Variants in STAG1 observed in about 807,000 individuals in gnomAD.
The protein encoded by STAG1 is STAG1 cohesin complex component.
In STAG1, 26 loss-of-function variants were observed where a neutral mutation model predicts 170.9. The ratio of observed to expected loss-of-function variants is 0.15; its 90% CI spans 0.11 to 0.21. The LOEUF (loss-of-function observed/expected upper bound fraction) is 0.21, where lower values mean the gene tolerates loss of function less well. Ranked by LOEUF, STAG1 falls within the 10% of genes least tolerant of loss-of-function variation. STAG1 has a pLI of 1.00. For synonymous variants in STAG1, 514 were observed against 497.7 expected, an observed-to-expected ratio of 1.03 and a Z score of -0.44; for missense variants, 964 against 1,509.5, an observed-to-expected ratio of 0.64 and a Z score of 5.99.
At chr3:136,741,440 C>G (rs1934666240) in intron 1 of STAG1, among the ~76,000 whole-genome samples, 1 of 152,186 alleles carries the variant, frequency 6.6e-6, no homozygotes, top group African/African-American at 2.4e-5. Flanking sequence ...ATTATTATAA[C>G]TGAAAGATTC....
At chr3:136,486,567 T>C (rs1049380526) in intron 9 of STAG1, among the ~76,000 whole-genome samples, 3 of 152,222 alleles carry the variant, frequency 2.0e-5, no homozygotes, top group Non-Finnish European at 4.4e-5. Flanking sequence ...ATACTACCCT[T>C]GTAAAAGTCA....
intron 5 of STAG1, among the ~76,000 whole-genome samples, chr3:136,554,131 C>T (rs771518623): frequency 7.3e-5 from 11 of 151,470 alleles, no homozygotes; most frequent in Non-Finnish European, 1.2e-4. Flanking sequence ...AAAGTATTGC[C>T]GGAGATAAAG....
At chr3:136,479,503 G>A (rs1408069905) in intron 9 of STAG1, among the ~76,000 whole-genome samples, 2 of 68,952 alleles carry the variant, frequency 2.9e-5, no homozygotes, top group Non-Finnish European at 6.5e-5. Context: ...TTGGTTCCAA[G>A]TCTTTGCTAT....
At chr3:136,455,858 G>C (rs2089096774) in intron 13 of STAG1, among the ~76,000 whole-genome samples, 1 of 152,206 alleles carries the variant, frequency 6.6e-6, no homozygotes, top group Admixed American at 6.5e-5. Context: ...TGTAAGGCCA[G>C]CAATATAGTT....
At chr3:136,446,236 G>C (rs111625185) in intron 14 of STAG1, among the ~76,000 whole-genome samples, 28 of 151,900 alleles carry the variant, frequency 1.8e-4, no homozygotes, top group Non-Finnish European at 3.5e-4. Flanking sequence ...TTAGCGCTCA[G>C]GTTTTTGTTT....
chr3:136,539,651 C>A (rs755920769), intron 6 of STAG1, among the ~76,000 whole-genome samples: 2 of 152,182 alleles, frequency 1.3e-5, no homozygotes, highest in Non-Finnish European at 2.9e-5. Context: ...ACAGCTAGCT[C>A]TATCAAGAGC....
intron 1 of STAG1, among the ~76,000 whole-genome samples, chr3:136,735,796 T>C (rs1576830179): frequency 6.6e-6 from 1 of 152,104 alleles, no homozygotes; most frequent in Admixed American, 6.5e-5. Context: ...CTGGGGGTGG[T>C]GGGAGGTATA....
At chr3:136,530,549 C>A (rs548837667) in intron 6 of STAG1, among the ~76,000 whole-genome samples, 1 of 152,118 alleles carries the variant, frequency 6.6e-6, no homozygotes, top group South Asian at 2.1e-4. Context: ...TTTTAAAAAT[C>A]AAAATCATAT....
intron 21 of STAG1, among the ~76,000 whole-genome samples, chr3:136,409,156 C>T (rs901437938): frequency 1.3e-4 from 20 of 151,728 alleles, no homozygotes; most frequent in Non-Finnish European, 2.6e-4. Flanking sequence ...TCCAGCTACT[C>T]GGGAGGCAGA....
intron 7 of STAG1, among the ~76,000 whole-genome samples, chr3:136,515,619 T>C (rs1934333114): frequency 6.6e-6 from 1 of 152,190 alleles, no homozygotes; most frequent in Non-Finnish European, 1.5e-5. Context: ...TAAAGTAATT[T>C]TTAAAATCCT....
rs111279005 is a variant in STAG1 at position 136,342,022 on chromosome 3, A to AT, written c.3447-472dup. 7.0e-3 allele frequency among the ~76,000 whole-genome samples: 1,015 copies of AT among 145,690 alleles called. 3 individuals carry two copies. Among genetic ancestry groups the AT allele is most frequent in the African/African-American group, 0.015 (592 of 39,914 alleles). On this transcript the variant is annotated intron_variant, in intron 30 of 33. Coordinates refer to ENST00000383202, the MANE Select transcript of STAG1 (RefSeq NM_005862.3). ...GTGTGTGTAAACATGCCTCTAAGGA[A>AT]TTTTTTTTTTTTTTTGAGATGGAGT...
intron 7 of STAG1, among the ~76,000 whole-genome samples, chr3:136,505,548 G>A (rs751414614): frequency 6.6e-6 from 1 of 152,082 alleles, no homozygotes; most frequent in Non-Finnish European, 1.5e-5. Flanking sequence ...TGACAGATTC[G>A]TAATTAAAAA....
chr3:136,423,380 T>C (rs561966521), intron 16 of STAG1, among the ~76,000 whole-genome samples: 1 of 152,332 alleles, frequency 6.6e-6, no homozygotes, highest in South Asian at 2.1e-4. Context: ...GTGATCTTCC[T>C]ATGTTAAATA....
intron 1 of STAG1, among the ~76,000 whole-genome samples, chr3:136,689,248 G>A (rs958159810): frequency 1.3e-5 from 2 of 152,112 alleles, no homozygotes; most frequent in African/African-American, 2.4e-5. Context: ...ATGGGAAGGA[G>A]GTAACTGGAT....
At chr3:136,469,181 A>G in intron 12 of STAG1, among the ~76,000 whole-genome samples, 1 of 152,156 alleles carries the variant, frequency 6.6e-6, no homozygotes, top group Admixed American at 6.5e-5. Context: ...CAATTAGGAA[A>G]AGAGGAAGTC....
At chr3:136,410,169 G>A (rs2087587214) in intron 21 of STAG1, among the ~76,000 whole-genome samples, 1 of 152,030 alleles carries the variant, frequency 6.6e-6, no homozygotes, top group Non-Finnish European at 1.5e-5. Context: ...GGAGGCCAAG[G>A]CAGGCAGATC....
intron 9 of STAG1, among the ~76,000 whole-genome samples, chr3:136,481,928 C>T (rs2089916670): frequency 1.9e-5 from 1 of 51,396 alleles, no homozygotes; most frequent in Non-Finnish European, 4.2e-5. Flanking sequence ...GTGGTGATAT[C>T]CCCTTTATCA....
intron 4 of STAG1, among the ~76,000 whole-genome samples, chr3:136,599,888 TATTC>T (rs1938591458): frequency 6.6e-6 from 1 of 152,218 alleles, no homozygotes; most frequent in South Asian, 2.1e-4. Flanking sequence ...TCAACATACA[TATTC>T]ATTATTTTAT....
chr3:136,540,306 G>C (rs1477951028), intron 6 of STAG1, among the ~76,000 whole-genome samples: 27 of 147,652 alleles, frequency 1.8e-4, no homozygotes, highest in African/African-American at 6.8e-4. Flanking sequence ...ATCAAACTGT[G>C]TTACTTTACT....
Sources: gnomAD v4.1 joint callset for allele counts (sites outside exome capture counted in the v4.1 genomes callset) on GRCh38, gnomAD v4.1.1 for gene constraint, MANE v1.5 for transcripts, NCBI Gene and HGNC (gene_info 2026-07-23, HGNC 2026-07-21) for gene names.